PXDN: variants seen among roughly 807,000 people sequenced by gnomAD.
PXDN encodes peroxidasin homolog.
A neutral mutation model predicts 140.3 loss-of-function variants in PXDN; 77 were observed. The observed-to-expected ratio is 0.55, with a 90% CI of 0.46 to 0.66. PXDN has a LOEUF of 0.66. PXDN is among the 30% of genes least tolerant of loss of function. PXDN has a pLI of 0.00. For missense variants in PXDN, 1,838 were observed against 2,039.5 expected (o/e 0.90, Z 1.90); for synonymous variants, 911 against 857.4 (o/e 1.06, Z -1.09).
intron 11 of PXDN, 57 bp downstream of exon 11, chr2:1,664,901 T>C: frequency 1.4e-6 from 2 of 1,405,162 alleles, no homozygotes; most frequent in South Asian, 2.5e-5. Flanking sequence ...TGGAAATGTG[T>C]GCTTCCTGCG....
intron 7 of PXDN, among the ~76,000 whole-genome samples, chr2:1,679,950 TG>T (rs1313690174): frequency 1.4e-5 from 2 of 144,410 alleles, no homozygotes; most frequent in Non-Finnish European, 1.5e-5. Context: ...TGCGTGTGTG[TG>T]GTTTGTGTCT....
chr2:1,737,016 G>C (rs938268804), intron 1 of PXDN, among the ~76,000 whole-genome samples: 1 of 152,210 alleles, frequency 6.6e-6, no homozygotes, highest in Non-Finnish European at 1.5e-5. Context: ...CGGTAGGACA[G>C]AGTGTGTGGG....
chr2:1,695,412 C>T (rs1324262922), intron 1 of PXDN, among the ~76,000 whole-genome samples: 2 of 133,430 alleles, frequency 1.5e-5, no homozygotes, highest in South Asian at 2.9e-4. Flanking sequence ...GGTGCTGTCC[C>T]ATCCACAGGC....
At chr2:1,658,026 G>GGCTCGCTC in intron 14 of PXDN, among the ~76,000 whole-genome samples, 1 of 83,606 alleles carries the variant, frequency 1.2e-5, no homozygotes, top group Non-Finnish European at 2.2e-5. Context: ...TTCAGCTGTG[G>GGCTCGCTC]GCTCTCTCTC....
At chr2:1,715,928 A>G (rs887110304) in intron 1 of PXDN, among the ~76,000 whole-genome samples, 7 of 152,160 alleles carry the variant, frequency 4.6e-5, no homozygotes, top group Admixed American at 4.6e-4. Context: ...TGCGTATGAC[A>G]CAGACATAGT....
Position 1,691,962 on chromosome 2 carries a change from C to G in PXDN, c.310G>C (p.Gly104Arg). 1 of 1,527,358 alleles carries G rather than the reference C, an allele frequency of 6.5e-7. No individual in the cohort carries two copies. Among genetic ancestry groups the G allele is most frequent in the South Asian group, 1.3e-5 (1 of 79,076 alleles). 94.6% of individuals were successfully genotyped at this position (1,527,358 alleles called of 1,614,324 possible). ...AAATTTTCCAAGTCTTCAAATGCTC[C>G]ACTAGGTATCCTCTTGATCTGATTA... ...NNNQIKRIPS[G>R]AFEDLENLKY... The change falls in exon 3 of 23, where the codon GGA becomes CGA. Residue 104 changes from glycine to arginine, a missense_variant. Gly to Arg is a moderately radical substitution (Grantham distance 125). Around this residue, in one of 5 missense-constraint regions of PXDN, gnomAD observed 231 missense variants for 201.5 expected, o/e 1.15. Transcript: ENST00000252804.
chr2:1,669,555 T>A (rs530545865), intron 9 of PXDN, among the ~76,000 whole-genome samples: 1 of 152,320 alleles, frequency 6.6e-6, no homozygotes, highest in African/African-American at 2.4e-5. Flanking sequence ...TAAATTTTTG[T>A]TTGGGTCAGA....
chr2:1,697,603 T>C (rs1023617288), intron 1 of PXDN, among the ~76,000 whole-genome samples: 2 of 92,960 alleles, frequency 2.2e-5, no homozygotes, highest in African/African-American at 7.3e-5. Flanking sequence ...GTTCCACAAA[T>C]AATCCTAACG....
chr2:1,663,795 C>T, intron 11 of PXDN, 32 bp from the exon 12 acceptor site: 1 of 1,601,744 alleles, frequency 6.2e-7, no homozygotes, highest in East Asian at 2.2e-5. Context: ...ACACTGGACA[C>T]TCGGACGCAT....
rs191000001 is a variant in PXDN, at chr2:1,678,562, G to A, written c.731-1518C>T. Among the ~76,000 whole-genome samples the A allele has an allele frequency of 7.9e-5, 12 of 152,316 alleles. No individual in the cohort carries two copies. The East Asian group carries it at 1.2e-3, about 15-fold the overall frequency. On this transcript the variant is annotated intron_variant, in intron 7 of 22. Coordinates refer to ENST00000252804, the MANE Select transcript of PXDN (RefSeq NM_012293.3). ...GGCACAACCTCAGCACTGTGATTAC[G>A]GAAGGCCATGAGTCGGTTTCTTGGA...
chr2:1,736,340 G>A (rs1198388409), intron 1 of PXDN, among the ~76,000 whole-genome samples: 2 of 152,166 alleles, frequency 1.3e-5, no homozygotes, highest in African/African-American at 4.8e-5. Context: ...GGCCACTGTA[G>A]GGTTATCAAC....
At chr2:1,720,268 AGAGGGAGGGATGCAGAGAGAGAGAGAGG>A (rs1558525905) in intron 1 of PXDN, among the ~76,000 whole-genome samples, 1 of 65,360 alleles carries the variant, frequency 1.5e-5, no homozygotes, top group African/African-American at 5.0e-5. Context: ...AGAGAGAGAG[AGAGGGAGGGATGCAGAGAGAGAGAGAGG>A]GAGGGAGGGA....
chr2:1,722,220 T>A (rs1330135492), intron 1 of PXDN, among the ~76,000 whole-genome samples: 1 of 152,188 alleles, frequency 6.6e-6, no homozygotes, highest in Non-Finnish European at 1.5e-5. Flanking sequence ...CAGTCCCTCT[T>A]GAAAGCTCTC....
rs1173318122 is a variant in PXDN at position 1,643,413 on chromosome 2, C to T, written c.3907G>A (p.Glu1303Lys). Reference protein sequence around the residue: ...EFPHGYGSCDEIPRVDLRVWQ... With the variant: ...EFPHGYGSCDKIPRVDLRVWQ... ...ACCCGGAGGTCTACCCTGGGGATCT[C>T]GTCACAGCTGCCGTAGCCGTGAGGG... Residue 1303 changes from glutamate (E) to lysine (K), a missense_variant, in exon 19 of 23, where the codon GAG becomes AAG. By Grantham distance (56) the Glu-to-Lys change is moderately conservative. This residue lies in a region of PXDN where 850 missense variants were observed against 894.1 expected (regional missense o/e 0.95). Coordinates refer to ENST00000252804, the MANE Select transcript of PXDN (RefSeq NM_012293.3). 5 of 1,613,964 alleles carry T rather than the reference C, an allele frequency of 3.1e-6. No individual in the cohort carries two copies. The highest frequency in any genetic ancestry group is 4.2e-6 in the Non-Finnish European group (5 of 1,179,902).
intron 1 of PXDN, among the ~76,000 whole-genome samples, chr2:1,712,842 A>G (rs1338974250): frequency 6.6e-6 from 1 of 152,122 alleles, no homozygotes; most frequent in Non-Finnish European, 1.5e-5. Context: ...CTCCTGCCTC[A>G]GCCTCCCAAG....
chr2:1,631,936 A>G lies in PXDN; in HGVS notation c.*2268T>C, dbSNP rs1682419400. 1 of 152,668 alleles carries G rather than the reference A, an allele frequency of 6.6e-6. No homozygotes were observed. The highest frequency in any genetic ancestry group is 2.1e-4 in the South Asian group (1 of 4,834). The allele number at this position is 152,668 out of a possible 1,614,324, so 9.5% of individuals were successfully genotyped here. ...ATTTGAACTGAAAGGCATCATTACA[A>G]AGTGCAAACATTTCTTTGGTAATGA... On this transcript the variant is annotated 3_prime_UTR_variant, in exon 23 of 23. Transcript: ENST00000252804.
chr2:1,731,179 C>CACAA (rs60396503), intron 1 of PXDN, among the ~76,000 whole-genome samples: 18,777 of 149,032 alleles, frequency 0.13, 1,174 homozygotes, highest in East Asian at 0.16. Flanking sequence ...CACACACACA[C>CACAA]ATGAACTAGT....
chr2:1,722,647 G>A (rs1468947194), intron 1 of PXDN, among the ~76,000 whole-genome samples: 1 of 152,236 alleles, frequency 6.6e-6, no homozygotes, highest in African/African-American at 2.4e-5. Context: ...AGTGCATTCT[G>A]AACTTAGGAG....
At chr2:1,670,412 A>G (rs997418644) in intron 9 of PXDN, among the ~76,000 whole-genome samples, 13 of 152,186 alleles carry the variant, frequency 8.5e-5, no homozygotes, top group Non-Finnish European at 1.5e-4. Context: ...TTTTTTGTAT[A>G]TAGATAGGAA....
Sources: allele counts gnomAD v4.1 joint callset (sites outside exome capture counted in the v4.1 genomes callset), GRCh38; gene constraint gnomAD v4.1.1; regional missense constraint gnomAD v4.1.1; transcripts MANE v1.5; gene names NCBI Gene and HGNC (gene_info 2026-07-23, HGNC 2026-07-21).